YBX3: variants seen among roughly 807,000 people sequenced by gnomAD.
YBX3 encodes the protein Y-box binding protein 3, also known as Y-box-binding protein 3.
YBX3 carries 29 observed loss-of-function variants against 42.4 expected under a neutral mutation model. The observed-to-expected ratio is 0.68, with a 90% CI of 0.51 to 0.93. YBX3 has a LOEUF of 0.93. Among genes scored for constraint, YBX3 ranks in the 40% least tolerant of loss-of-function variants. The pLI is 0.00. For missense variants in YBX3, 517 were observed against 527.5 expected (o/e 0.98, Z 0.19); for synonymous variants, 195 against 189.8 (o/e 1.03, Z -0.22).
rs145744944 is a variant in YBX3 at position 10,702,114 on chromosome 12, C to T, written c.899G>A (p.Arg300Gln). 264 of 1,613,882 alleles carry T rather than the reference C, an allele frequency of 1.6e-4. No homozygotes were observed. The highest frequency in any genetic ancestry group is 2.1e-4 in the Non-Finnish European group (243 of 1,179,914). ...AGCCTCTCCAACTGCTGGGGCAGGT[C>T]GTGGGCGAGGAGGTCCCCTGCTGTA... ...RYRSRGPPRP[R>Q]PAPAVGEAED... is the part of the protein sequence containing the mutation. The change falls in exon 8 of 10, where the codon CGA (arginine) becomes CAA (glutamine). Residue 300 changes from arginine to glutamine, a missense_variant. Arg to Gln is a conservative substitution (Grantham distance 43). Transcript: ENST00000228251.
intron 5 of YBX3, chr12:10,711,861 T>C (rs1948204542): frequency 6.6e-6 from 1 of 152,254 alleles, no homozygotes; most frequent in Non-Finnish European, 1.5e-5. Flanking sequence ...TGAATGTTTT[T>C]CTACCACTTT....
At chr12:10,706,748 T>TG (rs1948141838) in intron 6 of YBX3, among the ~76,000 whole-genome samples, 4 of 152,168 alleles carry the variant, frequency 2.6e-5, no homozygotes, top group Non-Finnish European at 5.9e-5. Flanking sequence ...CCAGGAGCGG[T>TG]GGCTCACGCC....
At position 10,722,991 on chromosome 12, in the gene YBX3, G is replaced by C; in HGVS notation, c.121C>G (p.Pro41Ala). The change falls in exon 1 of 10, where the codon CCC becomes GCC. Residue 41 changes from proline (P) to alanine (A), a missense_variant. This residue lies in a region of YBX3 where 86 missense variants were observed against 82.5 expected (regional missense o/e 1.04). Coordinates refer to ENST00000228251, the MANE Select transcript of YBX3 (RefSeq NM_003651.5). Reference sequence around the variant, plus strand: ...GCGGGCGCCGGGGCCGCGGCCTGGGGCGCACCGCTGCCCACCGGGCTCTTG... The same window carrying C: ...GCGGGCGCCGGGGCCGCGGCCTGGGCCGCACCGCTGCCCACCGGGCTCTTG... ...APKSPVGSGA[P>A]QAAAPAPAAH... 1 of 1,218,612 alleles carries C rather than the reference G, an allele frequency of 8.2e-7. No homozygotes were observed. Among genetic ancestry groups the C allele is most frequent in the Non-Finnish European group, 1.0e-6 (1 of 982,752 alleles). The allele number at this position is 1,218,612 out of a possible 1,614,324, so 75.5% of individuals were successfully genotyped here.
chr12:10,703,522 C>A (rs1384937155), intron 7 of YBX3: 3 of 417,652 alleles, frequency 7.2e-6, no homozygotes, highest in Non-Finnish European at 1.4e-5. Context: ...TGCATTAGTA[C>A]CTTTAATCCC....
At chr12:10,707,158 T>C (rs1948147868) in intron 6 of YBX3, among the ~76,000 whole-genome samples, 5 of 152,160 alleles carry the variant, frequency 3.3e-5, no homozygotes, top group Admixed American at 2.6e-4. Context: ...TCTTCTCAAA[T>C]ACAACTTAAT....
intron 8 of YBX3, 30 bp downstream of exon 8, chr12:10,701,930 G>A (rs559202899): frequency 1.3e-6 from 2 of 1,584,634 alleles, no homozygotes; most frequent in African/African-American, 1.4e-5. Flanking sequence ...AGACTATCTG[G>A]CAACATCCGC....
chr12:10,723,244 G>C lies in YBX3; in HGVS notation c.-133C>G. On this transcript the variant is annotated 5_prime_UTR_variant, in exon 1 of 10. Coordinates refer to ENST00000228251, the MANE Select transcript of YBX3 (RefSeq NM_003651.5). ...GGATCTCGCGGCGCAGGCGGCGGCG[G>C]CCGAGGTGGGGTCGCGCGGCGGAGG... The C allele has an allele frequency of 8.6e-7, 1 of 1,164,846 alleles. No homozygotes were observed. The highest frequency in any genetic ancestry group is 1.1e-6 in the Non-Finnish European group (1 of 943,702). The allele number at this position is 1,164,846 out of a possible 1,614,324, so 72.2% of individuals were successfully genotyped here.
intron 5 of YBX3, chr12:10,710,381 A>T: frequency 2.2e-6 from 3 of 1,369,308 alleles, no homozygotes; most frequent in Non-Finnish European, 2.8e-6. Context: ...TAGTCATCTC[A>T]TTAGAACTCG....
intron 7 of YBX3, 48 bp from the exon 8 acceptor site, chr12:10,702,182 C>G (rs781694923): frequency 6.5e-7 from 1 of 1,544,800 alleles, no homozygotes; most frequent in Non-Finnish European, 8.7e-7. Context: ...CAGGACAGGG[C>G]TTCTCCAGAA....
intron 8 of YBX3, among the ~76,000 whole-genome samples, chr12:10,701,639 T>A (rs111734302): frequency 6.6e-6 from 1 of 152,130 alleles, no homozygotes; most frequent in African/African-American, 2.4e-5. Context: ...CTACTCTCCA[T>A]AAAGTCTGAT....
Position 10,722,990 on chromosome 12 carries a change from G to A in YBX3, c.122C>T (p.Pro41Leu). The part of the protein sequence containing the change: ...APKSPVGSGA[P>L]QAAAPAPAAH... Reference sequence around the variant, plus strand: ...GGCGGGCGCCGGGGCCGCGGCCTGGGGCGCACCGCTGCCCACCGGGCTCTT... The same window carrying A: ...GGCGGGCGCCGGGGCCGCGGCCTGGAGCGCACCGCTGCCCACCGGGCTCTT... The change falls in exon 1 of 10, where the codon CCC (proline) becomes CTC (leucine). Residue 41 changes from proline to leucine, a missense_variant. This residue lies in a region of YBX3 where 86 missense variants were observed against 82.5 expected (regional missense o/e 1.04). Coordinates refer to ENST00000228251, the MANE Select transcript of YBX3 (RefSeq NM_003651.5). 2.5e-6 allele frequency: 3 copies of A among 1,219,640 alleles called. No individual in the cohort carries two copies. Among genetic ancestry groups the A allele is most frequent in the Non-Finnish European group, 3.1e-6 (3 of 983,428 alleles). 75.6% of individuals were successfully genotyped at this position (1,219,640 alleles called of 1,614,324 possible).
chr12:10,713,934 T>C (rs961682664), intron 4 of YBX3, among the ~76,000 whole-genome samples: 2 of 152,206 alleles, frequency 1.3e-5, no homozygotes, highest in Non-Finnish European at 2.9e-5. Context: ...TATGGACAAA[T>C]GGAAAATGTT....
rs779768785 is a variant in YBX3 at position 10,710,091 on chromosome 12, T to TTCC, written c.594_596dup (p.Glu199dup). On this transcript the variant is annotated inframe_insertion, in exon 6 of 10. Coordinates refer to ENST00000228251, the MANE Select transcript of YBX3 (RefSeq NM_003651.5). The stretch of plus-strand genomic sequence containing the variant: ...CAAATCCTTCACTGCTGCCGCTCCC[T>TTCC]TCCTCCTCCTCCTCCCCAGCGTACT... 4.3e-6 allele frequency: 7 copies of TTCC among 1,613,552 alleles called. No individual in the cohort carries two copies. The highest frequency in any genetic ancestry group is 3.3e-5 in the South Asian group (3 of 90,972).
chr12:10,717,877 A>T (rs530967522), intron 3 of YBX3: 1 of 411,546 alleles, frequency 2.4e-6, no homozygotes, highest in East Asian at 3.6e-5. Flanking sequence ...AACTGCAAAA[A>T]TAAAACTATT....
intron 6 of YBX3, among the ~76,000 whole-genome samples, chr12:10,705,258 T>C (rs1013789115): frequency 1.3e-5 from 2 of 152,112 alleles, no homozygotes; most frequent in Non-Finnish European, 2.9e-5. Context: ...CACTCCCAGC[T>C]AATGTTTTGT....
At chr12:10,718,949 T>G in intron 2 of YBX3, 131 bp downstream of exon 2, 4 of 713,718 alleles carry the variant, frequency 5.6e-6, no homozygotes, top group Non-Finnish European at 4.6e-6. Context: ...AGCTTAGAAA[T>G]GAGAATATTT....
At chr12:10,707,162 A>G (rs1205880023) in intron 6 of YBX3, among the ~76,000 whole-genome samples, 1 of 152,066 alleles carries the variant, frequency 6.6e-6, no homozygotes, top group Non-Finnish European at 1.5e-5. Flanking sequence ...CTCAAATACA[A>G]CTTAATGAAC....
chr12:10,713,391 A>G (rs1197238010), intron 4 of YBX3, 58 bp from the exon 5 acceptor site: 17 of 1,584,762 alleles, frequency 1.1e-5, no homozygotes, highest in Non-Finnish European at 1.5e-5. Context: ...CTAACTCAAA[A>G]AACAGCCTTG....
chr12:10,703,631 G>A, intron 7 of YBX3: 1 of 400,858 alleles, frequency 2.5e-6, no homozygotes, highest in Non-Finnish European at 4.9e-6. Flanking sequence ...TGTAGAGTAG[G>A]AAGATAAATT....
Sources: allele counts gnomAD v4.1 joint callset (sites outside exome capture counted in the v4.1 genomes callset), GRCh38; gene constraint gnomAD v4.1.1; regional missense constraint gnomAD v4.1.1; transcripts MANE v1.5; gene names NCBI Gene and HGNC (gene_info 2026-07-23, HGNC 2026-07-21).